The following TICRR variants were observed in gnomAD, a reference collection of about 807,000 sequenced individuals.
TICRR encodes the protein treslin.
A neutral mutation model predicts 178.1 loss-of-function variants in TICRR; 132 were observed. That is an observed-to-expected ratio of 0.74 (90% confidence interval 0.64 to 0.86). The LOEUF (loss-of-function observed/expected upper bound fraction) is 0.86, where lower values mean the gene tolerates loss of function less well. TICRR is among the 40% of genes least tolerant of loss of function. The probability of loss-of-function intolerance (pLI) is 0.00; values close to 1 mark genes in which losing one functional copy is unlikely to be tolerated. For synonymous variants in TICRR, 991 were observed against 900.7 expected (o/e 1.10, Z -1.79); for missense variants, 2,587 against 2,334.3 (o/e 1.11, Z -2.23).
intron 19 of TICRR, among the ~76,000 whole-genome samples, chr15:89,622,059 T>C (rs1963435908): frequency 7.2e-6 from 1 of 139,038 alleles, no homozygotes; most frequent in South Asian, 2.3e-4. Flanking sequence ...CGATCTCAGC[T>C]CACTGCAACC....
chr15:89,617,617 G>A (rs936021428), intron 16 of TICRR, among the ~76,000 whole-genome samples: 1 of 151,946 alleles, frequency 6.6e-6, no homozygotes, highest in Non-Finnish European at 1.5e-5. Context: ...CTGCCTCCCA[G>A]GTTCAAGTGA....
intron 15 of TICRR, among the ~76,000 whole-genome samples, chr15:89,613,936 C>T (rs1039838096): frequency 2.0e-5 from 3 of 151,962 alleles, no homozygotes; most frequent in East Asian, 1.9e-4. Context: ...GGGTGGATCA[C>T]GAGGTCAGGA....
intron 8 of TICRR, among the ~76,000 whole-genome samples, chr15:89,600,126 C>T (rs972652736): frequency 2.0e-5 from 3 of 152,086 alleles, no homozygotes; most frequent in African/African-American, 4.8e-5. Context: ...ATATATATGC[C>T]TTGCTCTCTC....
chr15:89,609,768 G>A (rs1210068745), intron 15 of TICRR, among the ~76,000 whole-genome samples: 4 of 150,606 alleles, frequency 2.7e-5, no homozygotes, highest in African/African-American at 7.3e-5. Flanking sequence ...TACCGCGTCT[G>A]GCCTCTATTG....
In TICRR at chr15:89,624,129, AGCTGCTCGG is replaced by A; in HGVS notation, c.3822_3830del (p.Ala1275_Ala1277del). ...CACACCAACAGCCCCATGTCCTCAG[AGCTGCTCGG>A]GCAGAGGAACCAGCCCAGAAACTAA... On this transcript the variant is annotated inframe_deletion, in exon 20 of 22. Coordinates refer to ENST00000268138, the MANE Select transcript of TICRR (RefSeq NM_152259.4). 1 of 1,613,982 alleles carries A rather than the reference AGCTGCTCGG, an allele frequency of 6.2e-7. No homozygotes were observed. Among genetic ancestry groups the A allele is most frequent in the South Asian group, 1.1e-5 (1 of 91,066 alleles).
chr15:89,619,687 A>C, intron 17 of TICRR, 21 bp from the exon 18 acceptor site: 1 of 1,593,582 alleles, frequency 6.3e-7, no homozygotes, highest in Non-Finnish European at 8.5e-7. Flanking sequence ...TTGGTTACTT[A>C]CTGTGGTTCT....
chr15:89,625,053 C>G lies in TICRR; in HGVS notation c.4743C>G (p.Ser1581Arg). 6.2e-7 allele frequency: 1 copy of G among 1,614,004 alleles called. No individual in the cohort carries two copies. Among genetic ancestry groups the G allele is most frequent in the East Asian group, 2.2e-5 (1 of 44,854 alleles). ...TTCGAATTAAGAAGATAGACCCCAG[C>G]TCTTCATTAGAGGCTGAGCCCCTCA... ...PKLRIKKIDP[S>R]SSLEAEPLSK... The change falls in exon 20 of 22, where the codon AGC (serine) becomes AGG (arginine). Residue 1581 changes from serine to arginine, a missense_variant. Physicochemically the swap from Ser to Arg is moderately radical, Grantham distance 110. Coordinates refer to ENST00000268138, the MANE Select transcript of TICRR (RefSeq NM_152259.4).
At position 89,625,065 on chromosome 15, in the gene TICRR, G is replaced by A; in HGVS notation, c.4755G>A (p.Glu1585=). The A allele has an allele frequency of 6.2e-7, 1 of 1,613,946 alleles. No individual in the cohort carries two copies. Among genetic ancestry groups the A allele is most frequent in the South Asian group, 1.1e-5 (1 of 91,082 alleles). The change falls in exon 20 of 22, where the codon GAG becomes GAA. Residue 1585 remains glutamate, a synonymous_variant. Transcript: ENST00000268138. The part of the protein sequence containing the change: ...IKKIDPSSSL[E]AEPLSKEESS... ...AGATAGACCCCAGCTCTTCATTAGA[G>A]GCTGAGCCCCTCAGCAAGGAGGAGA... is the stretch of plus-strand genomic sequence containing the variant.
In TICRR at chr15:89,626,946, C is replaced by G. The variant is rs745518651; in HGVS notation, c.5603-10C>G. ...ACTCCTGCATGCTAAGCCTTTCTACCTTCTTCTAGATGAGGATGTGGATGT... is the reference window on the plus strand; with the variant it reads ...ACTCCTGCATGCTAAGCCTTTCTACGTTCTTCTAGATGAGGATGTGGATGT... On this transcript the variant is annotated splice_polypyrimidine_tract_variant and intron_variant, in intron 21 of 21. Transcript: ENST00000268138. The G allele has an allele frequency of 1.6e-5, 25 of 1,612,734 alleles. 1 individual carries two copies. The South Asian group carries it at 2.5e-4, about 16-fold the overall frequency.
At chr15:89,583,008 A>G in intron 2 of TICRR, 43 bp downstream of exon 2, 1 of 1,527,476 alleles carries the variant, frequency 6.5e-7, no homozygotes, top group Non-Finnish European at 8.8e-7. Context: ...TTTAAATCTC[A>G]GTTACATTAA....
chr15:89,592,519 A>C (rs767950364), intron 5 of TICRR, among the ~76,000 whole-genome samples: 2 of 152,226 alleles, frequency 1.3e-5, no homozygotes, highest in African/African-American at 2.4e-5. Flanking sequence ...AGCTGAATTT[A>C]TACTTAAAGA....
At chr15:89,607,850 CT>C (rs919674667) in intron 14 of TICRR, among the ~76,000 whole-genome samples, 3 of 152,122 alleles carry the variant, frequency 2.0e-5, no homozygotes, top group Admixed American at 2.0e-4. Context: ...TTGCCACGTA[CT>C]TCTTGACTTT....
intron 1 of TICRR, 115 bp downstream of exon 1, chr15:89,576,355 C>A: frequency 2.0e-6 from 2 of 978,898 alleles, no homozygotes; most frequent in Non-Finnish European, 2.9e-6. Context: ...TATGACTATG[C>A]GTCCCTTCGG....
intron 7 of TICRR, among the ~76,000 whole-genome samples, chr15:89,597,327 C>T (rs1963014295): frequency 6.6e-6 from 1 of 152,098 alleles, no homozygotes; most frequent in Non-Finnish European, 1.5e-5. Context: ...AGTTCGAGAT[C>T]AGCCTGGCCA....
At chr15:89,596,710 A>G (rs183076263) in intron 7 of TICRR, among the ~76,000 whole-genome samples, 6 of 152,094 alleles carry the variant, frequency 3.9e-5, no homozygotes, top group South Asian at 2.1e-4. Flanking sequence ...TTTGTTTTCA[A>G]TTCATTTCTG....
chr15:89,627,173 T>C lies in TICRR; in HGVS notation c.*87T>C. On this transcript the variant is annotated 3_prime_UTR_variant, in exon 22 of 22. Coordinates refer to ENST00000268138, the MANE Select transcript of TICRR (RefSeq NM_152259.4). ...AGTTGGATGCCTGGTCCCAAGCCTC[T>C]TTTGCCATGGTCAGTGTTCAGATTG... The C allele has an allele frequency of 3.9e-6, 6 of 1,535,812 alleles. No homozygotes were observed. In the South Asian group the frequency reaches 6.9e-5, roughly 18 times the overall value.
chr15:89,619,728 C>G lies in TICRR; in HGVS notation c.3040C>G (p.Pro1014Ala). Residue 1014 changes from proline (P) to alanine (A), a missense_variant, in exon 18 of 22, where the codon CCT (proline) becomes GCT (alanine). Transcript: ENST00000268138. Reference sequence around the variant, plus strand: ...TACAGAAATAAGTCTGAGACGAAGTCCTCGAATCAAGCAGTTGTCATTTAG... The same window carrying G: ...TACAGAAATAAGTCTGAGACGAAGTGCTCGAATCAAGCAGTTGTCATTTAG... ...KGDEISLRRS[P>A]RIKQLSFSRT... 6.2e-7 allele frequency: 1 copy of G among 1,611,844 alleles called. No individual in the cohort carries two copies. Among genetic ancestry groups the G allele is most frequent in the East Asian group, 2.2e-5 (1 of 44,824 alleles).
chr15:89,611,727 C>T (rs1963259529), intron 15 of TICRR, among the ~76,000 whole-genome samples: 1 of 151,906 alleles, frequency 6.6e-6, no homozygotes, highest in Non-Finnish European at 1.5e-5. Context: ...TCTTCACGTT[C>T]ACTGATTCTT....
intron 15 of TICRR, among the ~76,000 whole-genome samples, chr15:89,615,155 G>C (rs1423182006): frequency 1.3e-5 from 2 of 152,232 alleles, no homozygotes; most frequent in Non-Finnish European, 2.9e-5. Context: ...TCAGGCAGCT[G>C]TAACATTTAA....
Sources: gnomAD v4.1 joint callset for allele counts (sites outside exome capture counted in the v4.1 genomes callset) on GRCh38, gnomAD v4.1.1 for gene constraint, MANE v1.5 for transcripts, NCBI Gene and HGNC (gene_info 2026-07-23, HGNC 2026-07-21) for gene names.